NME9: variants seen among roughly 807,000 people sequenced by gnomAD.
NME9 encodes thioredoxin domain-containing protein 6.
In NME9, 48 loss-of-function variants were observed where a neutral mutation model predicts 44.4. The ratio of observed to expected loss-of-function variants is 1.08; its 90% CI spans 0.86 to 1.37. The LOEUF (loss-of-function observed/expected upper bound fraction) is 1.37. Ranked by LOEUF, NME9 falls within the 40% of genes most tolerant of loss-of-function variation. The pLI is 0.00. For missense variants in NME9, 325 were observed against 405.2 expected, an observed-to-expected ratio of 0.80 and a Z score of 1.70; for synonymous variants, 139 against 147.1, an observed-to-expected ratio of 0.94 and a Z score of 0.40.
intron 8 of NME9, chr3:138,270,060 C>T (rs776532585): frequency 1.5e-5 from 24 of 1,612,974 alleles, no homozygotes; most frequent in Non-Finnish European, 5.1e-6. Context: ...AATCAGGAGC[C>T]GTAGAGCTAC....
intron 6 of NME9, among the ~76,000 whole-genome samples, chr3:138,313,054 A>C (rs1270319555): frequency 1.3e-5 from 2 of 152,226 alleles, no homozygotes; most frequent in African/African-American, 4.8e-5. Flanking sequence ...ATAAAATCAC[A>C]ATAAGATGTC....
At chr3:138,320,643 A>G (rs1398856658) in intron 2 of NME9, among the ~76,000 whole-genome samples, 2 of 152,254 alleles carry the variant, frequency 1.3e-5, no homozygotes, top group Non-Finnish European at 2.9e-5. Context: ...ACTGTTCTAT[A>G]GTAACCAGGG....
intron 8 of NME9, among the ~76,000 whole-genome samples, chr3:138,292,451 G>T (rs1245770967): frequency 6.6e-6 from 1 of 152,230 alleles, no homozygotes; most frequent in Non-Finnish European, 1.5e-5. Flanking sequence ...ATGTCGGTAA[G>T]GGAGTGGGGG....
intron 4 of NME9, among the ~76,000 whole-genome samples, chr3:138,315,892 C>T (rs376523921): frequency 1.3e-5 from 2 of 152,072 alleles, no homozygotes; most frequent in South Asian, 2.1e-4. Flanking sequence ...AGTGCAGTGG[C>T]GTGACCTCGG....
At chr3:138,270,787 G>A (rs2048717907) in intron 8 of NME9, among the ~76,000 whole-genome samples, 2 of 151,880 alleles carry the variant, frequency 1.3e-5, no homozygotes, top group Admixed American at 6.6e-5. Context: ...GTAATATATT[G>A]TAAAACTTTG....
intron 8 of NME9, among the ~76,000 whole-genome samples, chr3:138,280,779 A>C (rs542076158): frequency 2.2e-4 from 33 of 152,190 alleles, no homozygotes; most frequent in Non-Finnish European, 4.3e-4. Flanking sequence ...GGCATGAGCC[A>C]CCATGCCTGG....
intron 8 of NME9, among the ~76,000 whole-genome samples, chr3:138,293,270 G>A (rs761600668): frequency 1.2e-4 from 19 of 152,156 alleles, no homozygotes; most frequent in African/African-American, 3.9e-4. Context: ...GGCTGGGCGC[G>A]GTGGCTCACG....
At chr3:138,325,056 C>A in intron 1 of NME9, 126 bp from the exon 2 acceptor site, 1 of 726,722 alleles carries the variant, frequency 1.4e-6, no homozygotes. Context: ...AAGTTATCCT[C>A]TCCCCCATCT....
rs756517005 is a variant in NME9, at chr3:138,314,391, A to G, written c.401T>C (p.Leu134Pro). The change falls in exon 6 of 11, where the codon CTT becomes CCT. Residue 134 changes from leucine to proline, a missense_variant. Coordinates refer to ENST00000333911, the MANE Select transcript of NME9 (RefSeq NM_001349018.2). ...RERKVIKDEALSDEDECVSHG... is the reference protein window; with the variant it reads ...RERKVIKDEAPSDEDECVSHG... ...GGAAACACATTCATCTTCATCAGAA[A>G]GAGCCTCATCTTTAATCTAGTACAA... 1.2e-6 allele frequency: 2 copies of G among 1,607,568 alleles called. No homozygotes were observed. The highest frequency in any genetic ancestry group is 1.1e-5 in the South Asian group (1 of 90,764).
At chr3:138,314,922 G>A (rs1313325948) in intron 5 of NME9, among the ~76,000 whole-genome samples, 1 of 152,192 alleles carries the variant, frequency 6.6e-6, no homozygotes, top group Admixed American at 6.5e-5. Flanking sequence ...GAATGGTGTT[G>A]AGTCACATTT....
At chr3:138,316,133 G>A (rs1484869238) in intron 4 of NME9, among the ~76,000 whole-genome samples, 2 of 152,038 alleles carry the variant, frequency 1.3e-5, no homozygotes, top group Non-Finnish European at 2.9e-5. Context: ...CACCTGGCCA[G>A]TCTGCTCCTA....
intron 6 of NME9, among the ~76,000 whole-genome samples, chr3:138,309,501 A>G (rs1413765803): frequency 2.0e-5 from 3 of 152,118 alleles, no homozygotes; most frequent in East Asian, 1.9e-4. Flanking sequence ...CCTGGCCAAC[A>G]TGGTGAAACC....
At chr3:138,319,732 T>C (rs930490934) in intron 2 of NME9, 151 bp from the exon 3 acceptor site, 1 of 607,056 alleles carries the variant, frequency 1.6e-6, no homozygotes, top group South Asian at 2.0e-5. Flanking sequence ...CCCATGAGAT[T>C]ATAAGCCAGG....
At chr3:138,296,343 G>C (rs1431079004), downstream of NME9, 2 of 153,038 alleles carry the variant, frequency 1.3e-5, no homozygotes, top group African/African-American at 4.8e-5. Flanking sequence ...CTTTTCTACA[G>C]ATTTTCCAGG....
At chr3:138,264,254 C>A in intron 8 of NME9, 2 of 1,517,956 alleles carry the variant, frequency 1.3e-6, no homozygotes, top group South Asian at 2.3e-5. Flanking sequence ...TACTCACAGA[C>A]CCTAGAGTGA....
chr3:138,292,658 T>C lies in NME9; in HGVS notation c.745+10849A>G, dbSNP rs571887649. Among the ~76,000 whole-genome samples the C allele has an allele frequency of 8.5e-5, 13 of 152,090 alleles. 1 individual carries two copies. The highest frequency in any genetic ancestry group is 2.1e-4 in the South Asian group (1 of 4,828). On this transcript the variant is annotated intron_variant, in intron 8 of 8. Coordinates refer to the NME9 transcript ENST00000317876. The stretch of plus-strand genomic sequence containing the variant: ...TGAGGAATATAGAAGTGGGTTGCGG[T>C]AGGGAGCATCAAGAGTTCTTGTTTG...
intron 8 of NME9, chr3:138,273,032 G>A (rs1466958985): frequency 6.2e-7 from 1 of 1,613,144 alleles, no homozygotes; most frequent in Non-Finnish European, 8.5e-7. Flanking sequence ...GTACTGAACA[G>A]CTATTCCGGT....
chr3:138,295,785 A>G (rs2051434068), intron 8 of NME9: 3 of 1,542,138 alleles, frequency 1.9e-6, no homozygotes, highest in Admixed American at 1.7e-5. Context: ...CCCAGCTATC[A>G]TCATTGAACC....
At chr3:138,293,866 C>T (rs936858359) in intron 8 of NME9, among the ~76,000 whole-genome samples, 3 of 152,162 alleles carry the variant, frequency 2.0e-5, no homozygotes, top group African/African-American at 7.2e-5. Flanking sequence ...TAGGTTTAGC[C>T]TGCTTGCTTA....
Sources: gnomAD v4.1 joint callset for allele counts (sites outside exome capture counted in the v4.1 genomes callset) on GRCh38, gnomAD v4.1.1 for gene constraint, MANE v1.5 for transcripts, NCBI Gene and HGNC (gene_info 2026-07-23, HGNC 2026-07-21) for gene names.